GBE1: variants seen among roughly 807,000 people sequenced by gnomAD.
The protein encoded by GBE1 is 1,4-alpha-glucan branching enzyme 1, also known as 1,4-alpha-glucan-branching enzyme.
In GBE1, 70 loss-of-function variants were observed where a neutral mutation model predicts 88.8. The observed-to-expected ratio is 0.79, with a 90% CI of 0.65 to 0.96. The LOEUF is 0.96. GBE1 is among the 40% of genes least tolerant of loss of function. The pLI, the probability that GBE1 is intolerant of heterozygous loss-of-function variation, is 0.00. For synonymous variants in GBE1, 284 were observed against 300.1 expected (o/e 0.95, Z 0.56); for missense variants, 872 against 871.0 (o/e 1.00, Z -0.01).
At chr3:81,517,026 C>G (rs887107013) in intron 14 of GBE1, among the ~76,000 whole-genome samples, 1 of 151,440 alleles carries the variant, frequency 6.6e-6, no homozygotes, top group African/African-American at 2.4e-5. Context: ...CCTAGGTAAT[C>G]TTTATCAACT....
intron 15 of GBE1, among the ~76,000 whole-genome samples, chr3:81,498,754 T>G (rs567822898): frequency 6.6e-6 from 1 of 152,314 alleles, no homozygotes; most frequent in South Asian, 2.1e-4. Context: ...TATAAAATGT[T>G]ATGGAGAAAA....
intron 1 of GBE1, among the ~76,000 whole-genome samples, chr3:81,722,720 T>C (rs1034812103): frequency 6.6e-6 from 1 of 151,688 alleles, no homozygotes; most frequent in Non-Finnish European, 1.5e-5. Flanking sequence ...ATCCAAAATA[T>C]GGCCAGCTAA....
chr3:81,545,796 T>C (rs1703198838), intron 12 of GBE1, among the ~76,000 whole-genome samples: 2 of 152,184 alleles, frequency 1.3e-5, no homozygotes, highest in Non-Finnish European at 2.9e-5. Flanking sequence ...CAGTGTAGCA[T>C]GATGAAATCT....
intron 1 of GBE1, among the ~76,000 whole-genome samples, chr3:81,715,518 T>C (rs975192595): frequency 1.4e-4 from 22 of 152,190 alleles, no homozygotes; most frequent in African/African-American, 5.3e-4. Context: ...TCTTTATCAA[T>C]GCCTAGGTTC....
At chr3:81,680,509 A>G (rs932728571) in intron 2 of GBE1, among the ~76,000 whole-genome samples, 19 of 152,114 alleles carry the variant, frequency 1.2e-4, no homozygotes, top group Non-Finnish European at 2.1e-4. Flanking sequence ...AAAAAAAAAA[A>G]AAAAGAAAAT....
intron 7 of GBE1, among the ~76,000 whole-genome samples, chr3:81,622,195 AT>A (rs777228195): frequency 6.6e-6 from 1 of 152,338 alleles, no homozygotes; most frequent in Non-Finnish European, 1.5e-5. Flanking sequence ...ATGAATCAGA[AT>A]TTCAGACCAA....
intron 14 of GBE1, among the ~76,000 whole-genome samples, chr3:81,513,837 AGAT>A (rs1164159381): frequency 3.3e-5 from 5 of 151,812 alleles, no homozygotes; most frequent in Non-Finnish European, 4.4e-5. Context: ...GGTGTTCTAG[AGAT>A]AATAACCAAG....
intron 7 of GBE1, among the ~76,000 whole-genome samples, chr3:81,599,682 G>A (rs1376439909): frequency 6.6e-6 from 1 of 152,040 alleles, no homozygotes; most frequent in African/African-American, 2.4e-5. Context: ...ATGTCATGTG[G>A]TACATGACTG....
chr3:81,648,367 T>C (rs1190923809), intron 5 of GBE1, among the ~76,000 whole-genome samples: 4 of 152,144 alleles, frequency 2.6e-5, no homozygotes, highest in East Asian at 1.9e-4. Context: ...GTTCAATACA[T>C]GAACATCTAG....
chr3:81,599,103 A>G (rs973977232), intron 7 of GBE1, among the ~76,000 whole-genome samples: 1 of 152,172 alleles, frequency 6.6e-6, no homozygotes, highest in Admixed American at 6.5e-5. Context: ...TCTCTAGGAA[A>G]TAAGTAGAAA....
chr3:81,558,777 A>G (rs1042503259), intron 12 of GBE1, among the ~76,000 whole-genome samples: 3 of 152,122 alleles, frequency 2.0e-5, no homozygotes, highest in African/African-American at 2.4e-5. Context: ...TAATATTTCT[A>G]TATTAGACCT....
At chr3:81,559,957 A>G (rs1486735187) in intron 12 of GBE1, among the ~76,000 whole-genome samples, 1 of 152,002 alleles carries the variant, frequency 6.6e-6, no homozygotes, top group African/African-American at 2.4e-5. Context: ...CAGTCCATAC[A>G]CAAAGGATTT....
At chr3:81,719,018 T>C (rs779254113) in intron 1 of GBE1, among the ~76,000 whole-genome samples, 2 of 152,158 alleles carry the variant, frequency 1.3e-5, no homozygotes, top group Non-Finnish European at 2.9e-5. Context: ...ACTTAGCATG[T>C]CTTAAATAAT....
intron 2 of GBE1, among the ~76,000 whole-genome samples, chr3:81,702,043 T>C (rs755418734): frequency 2.0e-5 from 3 of 149,112 alleles, no homozygotes; most frequent in Non-Finnish European, 3.0e-5. Flanking sequence ...AAAAAACGGA[T>C]TTTATGTTAA....
chr3:81,705,632 G>T lies in GBE1; in HGVS notation c.144-19C>A. On this transcript the variant is annotated intron_variant, in intron 1 of 15. Transcript: ENST00000429644. ...CTTATACCTTTGAAGAAGTATGAAA[G>T]AAAATGAGTTAGAAAATTAAATAGT... 1 of 1,475,218 alleles carries T rather than the reference G, an allele frequency of 6.8e-7. No homozygotes were observed. 91.4% of individuals were successfully genotyped at this position (1,475,218 alleles called of 1,614,324 possible). A position where few individuals can be genotyped will look rare whatever the true frequency, so the allele number is the denominator to read the frequency against.
chr3:81,624,104 G>A (rs1176623487), intron 7 of GBE1, among the ~76,000 whole-genome samples: 1 of 152,160 alleles, frequency 6.6e-6, no homozygotes. Flanking sequence ...GAGGCCTCAG[G>A]AAACTTACAA....
intron 14 of GBE1, among the ~76,000 whole-genome samples, chr3:81,510,349 C>A (rs17019042): frequency 6.6e-6 from 1 of 151,866 alleles, no homozygotes; most frequent in African/African-American, 2.4e-5. Flanking sequence ...ACTTACTTGG[C>A]GTAACATATA....
intron 1 of GBE1, among the ~76,000 whole-genome samples, chr3:81,750,616 T>TATATATATATAC (rs1491122045): frequency 1.5e-5 from 1 of 68,818 alleles, no homozygotes; most frequent in African/African-American, 8.9e-5. Flanking sequence ...TATATATATA[T>TATATATATATAC]GTATATATAT....
intron 12 of GBE1, among the ~76,000 whole-genome samples, chr3:81,554,199 T>C (rs1044159230): frequency 5.3e-5 from 8 of 152,182 alleles, no homozygotes; most frequent in Non-Finnish European, 1.2e-4. Context: ...AAAAAAATGT[T>C]ATTTTATAAA....
Sources: gnomAD v4.1 joint callset for allele counts (sites outside exome capture counted in the v4.1 genomes callset) on GRCh38, gnomAD v4.1.1 for gene constraint, MANE v1.5 for transcripts, NCBI Gene and HGNC (gene_info 2026-07-23, HGNC 2026-07-21) for gene names.